The following PRKAG2 variants were observed in gnomAD, a reference collection of about 807,000 sequenced individuals.
PRKAG2 encodes protein kinase AMP-activated non-catalytic subunit gamma 2.
PRKAG2 carries 26 observed loss-of-function variants against 69.6 expected under a neutral mutation model. The ratio of observed to expected loss-of-function variants is 0.37; its 90% CI spans 0.27 to 0.52. The LOEUF is 0.52. Among genes scored for constraint, PRKAG2 ranks in the 20% least tolerant of loss-of-function variants. The pLI is 0.90. For synonymous variants in PRKAG2, 293 were observed against 285.0 expected, an observed-to-expected ratio of 1.03 and a Z score of -0.28; for missense variants, 557 against 740.0, an observed-to-expected ratio of 0.75 and a Z score of 2.87.
intron 1 of PRKAG2, among the ~76,000 whole-genome samples, chr7:151,870,152 GA>G (rs1563769195): frequency 1.1e-4 from 13 of 120,662 alleles, no homozygotes; most frequent in African/African-American, 3.2e-4. Flanking sequence ...TAGATAGATA[GA>G]TAGGCAGGCA....
chr7:151,810,069 GATA>G (rs1021274981), intron 1 of PRKAG2: 1 of 152,192 alleles, frequency 6.6e-6, no homozygotes, highest in African/African-American at 2.4e-5. Context: ...ATCAAGTGAA[GATA>G]ATATTTTGTT....
At chr7:151,837,677 T>G (rs1179424157) in intron 1 of PRKAG2, among the ~76,000 whole-genome samples, 1 of 152,174 alleles carries the variant, frequency 6.6e-6, no homozygotes, top group Non-Finnish European at 1.5e-5. Flanking sequence ...GAGGCACTTT[T>G]CTCAGGGGGC....
intron 3 of PRKAG2, among the ~76,000 whole-genome samples, chr7:151,720,863 G>A (rs775804828): frequency 2.8e-5 from 4 of 143,050 alleles, no homozygotes; most frequent in Non-Finnish European, 6.1e-5. Context: ...GAATGGAACG[G>A]GAGGGAGAGG....
chr7:151,652,528 T>C (rs529274813), intron 4 of PRKAG2, among the ~76,000 whole-genome samples: 17 of 152,354 alleles, frequency 1.1e-4, no homozygotes, highest in African/African-American at 4.1e-4. Context: ...TCTTTTTTCT[T>C]TTCTTGTTTT....
intron 6 of PRKAG2, among the ~76,000 whole-genome samples, chr7:151,587,082 A>G (rs920716493): frequency 6.6e-6 from 1 of 152,156 alleles, no homozygotes; most frequent in African/African-American, 2.4e-5. Context: ...AATCGCTTCA[A>G]GTGAGCCGAG....
chr7:151,768,041 G>T (rs527327128), intron 3 of PRKAG2, among the ~76,000 whole-genome samples: 33 of 152,350 alleles, frequency 2.2e-4, no homozygotes, highest in African/African-American at 7.7e-4. Flanking sequence ...TGCATGACAA[G>T]CTGCAAATAA....
intron 4 of PRKAG2, among the ~76,000 whole-genome samples, chr7:151,664,352 G>A (rs1173503498): frequency 6.6e-6 from 1 of 152,128 alleles, no homozygotes; most frequent in Non-Finnish European, 1.5e-5. Context: ...AGAGGCCCGG[G>A]TACAGTGGGA....
At chr7:151,627,164 G>A (rs1823161796) in intron 5 of PRKAG2, among the ~76,000 whole-genome samples, 1 of 152,194 alleles carries the variant, frequency 6.6e-6, no homozygotes, top group African/African-American at 2.4e-5. Flanking sequence ...AAAGCCCGGA[G>A]AGGCCTCACG....
chr7:151,676,862 G>A (rs1833020899), intron 3 of PRKAG2, among the ~76,000 whole-genome samples: 1 of 152,170 alleles, frequency 6.6e-6, no homozygotes, highest in Non-Finnish European at 1.5e-5. Flanking sequence ...ACACAGAAAC[G>A]GATACCCAGA....
At chr7:151,640,415 A>C (rs1362005946) in intron 4 of PRKAG2, among the ~76,000 whole-genome samples, 1 of 152,152 alleles carries the variant, frequency 6.6e-6, no homozygotes, top group Admixed American at 6.5e-5. Flanking sequence ...GCTGGGGGGA[A>C]GGGCCTGATC....
At chr7:151,795,595 G>T (rs1392463453) in intron 1 of PRKAG2, among the ~76,000 whole-genome samples, 1 of 152,086 alleles carries the variant, frequency 6.6e-6, no homozygotes, top group African/African-American at 2.4e-5. Flanking sequence ...GGTGGCTGCC[G>T]TGGGCGTATT....
At chr7:151,860,186 C>G (rs1213504123) in intron 1 of PRKAG2, among the ~76,000 whole-genome samples, 12 of 152,212 alleles carry the variant, frequency 7.9e-5, no homozygotes, top group Admixed American at 6.5e-4. Context: ...TATGCCCAGC[C>G]ACTGCCCCTT....
At chr7:151,774,920 A>C (rs1459420769) in intron 3 of PRKAG2, among the ~76,000 whole-genome samples, 2 of 152,262 alleles carry the variant, frequency 1.3e-5, no homozygotes, top group African/African-American at 4.8e-5. Context: ...TGTAGGCCAT[A>C]AATTATAGGA....
chr7:151,840,447 G>C (rs2151885169), intron 1 of PRKAG2, among the ~76,000 whole-genome samples: 1 of 152,266 alleles, frequency 6.6e-6, no homozygotes, highest in African/African-American at 2.4e-5. Context: ...AGCTGGGTGG[G>C]GCAATCATAG....
intron 3 of PRKAG2, among the ~76,000 whole-genome samples, chr7:151,726,264 C>T (rs1004264338): frequency 6.6e-6 from 1 of 152,010 alleles, no homozygotes; most frequent in Admixed American, 6.6e-5. Flanking sequence ...CCTGCGTGTG[C>T]GCAGAGCCGG....
intron 5 of PRKAG2, among the ~76,000 whole-genome samples, chr7:151,622,469 A>G (rs6464156): frequency 0.42 from 63,992 of 152,094 alleles, 14,011 homozygotes; most frequent in Non-Finnish European, 0.48. Context: ...AGCCATTACA[A>G]TAAGTCACCA....
At position 151,760,636 on chromosome 7, in the gene PRKAG2, C is replaced by T. The variant is rs556097970; in HGVS notation, c.466+20516G>A. ...CTGCCCCAGACCTCTGAGTGGCTCT[C>T]TCTCTGGCTCCAGTGTGGTCTCCTT... On this transcript the variant is annotated intron_variant, in intron 3 of 15. Transcript: ENST00000287878. Among the ~76,000 whole-genome samples the T allele has an allele frequency of 4.2e-4, 64 of 152,314 alleles. No individual in the cohort carries two copies. In the Middle Eastern group the frequency reaches 0.01, roughly 24 times the overall value.
intron 4 of PRKAG2, among the ~76,000 whole-genome samples, chr7:151,633,702 T>G (rs907368068): frequency 6.6e-6 from 1 of 152,022 alleles, no homozygotes; most frequent in Non-Finnish European, 1.5e-5. Context: ...CAAGAAACCA[T>G]GTATAGTAGC....
Position 151,866,013 on chromosome 7 carries a change from C to G in PRKAG2, c.114+10494G>C, listed in dbSNP as rs369229349. ...CCAGCTTGGGTGACAGAGCAAGACT[C>G]TGTCTCAAAAAAAAAAAAAAAAGAA... On this transcript the variant is annotated intron_variant, in intron 1 of 15. Transcript: ENST00000287878. Among the ~76,000 whole-genome samples, 91 of 129,176 alleles carry G rather than the reference C, an allele frequency of 7.0e-4. No individual in the cohort carries two copies. In the East Asian group the frequency reaches 0.015, roughly 22 times the overall value. The allele number at this position is 129,176 out of a possible 152,430, so 84.7% of individuals were successfully genotyped here.
Sources: allele counts gnomAD v4.1 joint callset (sites outside exome capture counted in the v4.1 genomes callset), GRCh38; gene constraint gnomAD v4.1.1; transcripts MANE v1.5; gene names NCBI Gene and HGNC (gene_info 2026-07-23, HGNC 2026-07-21).